CDC7: variants seen among roughly 807,000 people sequenced by gnomAD.
CDC7 encodes the protein cell division cycle 7-related protein kinase.
In CDC7, 34 loss-of-function variants were observed where a neutral mutation model predicts 53.5. That is an observed-to-expected ratio of 0.64 (90% CI 0.48 to 0.85). The LOEUF (loss-of-function observed/expected upper bound fraction) is 0.85, where lower values mean the gene tolerates loss of function less well. Among genes scored for constraint, CDC7 ranks in the 40% least tolerant of loss-of-function variants. The probability of loss-of-function intolerance (pLI) is 0.00; values close to 1 mark genes in which losing one functional copy is unlikely to be tolerated. For synonymous variants in CDC7, 211 were observed against 222.8 expected (o/e 0.95, Z 0.47); for missense variants, 594 against 679.7 (o/e 0.87, Z 1.40).
chr1:91,505,139 G>C (rs1666915594), intron 2 of CDC7, among the ~76,000 whole-genome samples: 1 of 152,070 alleles, frequency 6.6e-6, no homozygotes, highest in Admixed American at 6.5e-5. Context: ...CAGATATTTG[G>C]GGAAGAGCAT....
chr1:91,524,314 G>A lies in CDC7; in HGVS notation c.1604G>A (p.Trp535Ter). 4 of 1,613,964 alleles carry A rather than the reference G, an allele frequency of 2.5e-6. No homozygotes were observed. Among genetic ancestry groups the A allele is most frequent in the Non-Finnish European group, 3.4e-6 (4 of 1,179,926 alleles). The part of the protein sequence containing the change: ...FDEYNTNLEG[W>*]NEVPDEAYDL... Reference sequence around the variant, plus strand: ...GAGTATAATACCAATTTAGAAGGCTGGAATGAGGTACCTGATGAAGCTTAT... The same window carrying A: ...GAGTATAATACCAATTTAGAAGGCTAGAATGAGGTACCTGATGAAGCTTAT... Residue 535 changes from tryptophan to a stop codon, truncating the protein, a stop_gained, in exon 12 of 12, where the codon TGG becomes TAG. Transcript: ENST00000234626. LOFTEE classifies it high-confidence loss of function.
chr1:91,501,165 AGC>A (rs1325764998), intron 1 of CDC7: 5 of 152,148 alleles, frequency 3.3e-5, no homozygotes, highest in African/African-American at 1.2e-4. Context: ...GCTCGCGGCC[AGC>A]GCTGGCCGGC....
At chr1:91,516,136 C>T (rs967824995) in intron 10 of CDC7, among the ~76,000 whole-genome samples, 1 of 151,324 alleles carries the variant, frequency 6.6e-6, no homozygotes, top group African/African-American at 2.4e-5. Context: ...ACAAGATGAT[C>T]TTACCATCTT....
At chr1:91,513,345 T>G (rs1453403943) in intron 7 of CDC7, 38 bp downstream of exon 7, 2 of 1,575,398 alleles carry the variant, frequency 1.3e-6, no homozygotes, top group South Asian at 2.2e-5. Flanking sequence ...CGACACTGTT[T>G]TAGAAATATA....
chr1:91,501,476 C>T (rs1666672641), intron 1 of CDC7, 178 bp from the exon 2 acceptor site: 1 of 412,174 alleles, frequency 2.4e-6, no homozygotes, highest in Non-Finnish European at 4.3e-6. Context: ...GCCGGTGTTT[C>T]TGATAGGTGA....
chr1:91,513,862 A>G, intron 7 of CDC7, 86 bp from the exon 8 acceptor site: 1 of 937,040 alleles, frequency 1.1e-6, no homozygotes, highest in Non-Finnish European at 1.7e-6. Flanking sequence ...ATCTCACTTA[A>G]CTCTTTCAAA....
At chr1:91,513,925 C>T in intron 7 of CDC7, 23 bp from the exon 8 acceptor site, 1 of 1,521,994 alleles carries the variant, frequency 6.6e-7, no homozygotes. Context: ...TCCTTATTTT[C>T]CTTGTTTTTG....
chr1:91,509,178 T>C (rs1169984357), intron 4 of CDC7, among the ~76,000 whole-genome samples: 1 of 152,162 alleles, frequency 6.6e-6, no homozygotes, highest in Non-Finnish European at 1.5e-5. Flanking sequence ...GTGCTTGCTC[T>C]TAGGTTTCTC....
Position 91,520,164 on chromosome 1 carries a change from T to C in CDC7, c.1215T>C (p.Leu405=). The C allele has an allele frequency of 6.2e-7, 1 of 1,606,594 alleles. No homozygotes were observed. Among genetic ancestry groups the C allele is most frequent in the African/African-American group, 1.3e-5 (1 of 74,770 alleles). ...TGTGGTCTGCAGGTGTCATATTTCT[T>C]TCTTTGCTTAGTGGACGATATCCAT... ...IDMWSAGVIF[L]SLLSGRYPFY... Residue 405 remains leucine (L), a synonymous_variant, in exon 11 of 12, where the codon CTT becomes CTC. Transcript: ENST00000234626.
At chr1:91,513,333 A>G in intron 7 of CDC7, 26 bp downstream of exon 7, 2 of 1,595,100 alleles carry the variant, frequency 1.3e-6, no homozygotes, top group Non-Finnish European at 1.7e-6. Context: ...TTTCTTAAGT[A>G]CCGACACTGT....
At chr1:91,508,188 CAATCTATCTTA>C in intron 3 of CDC7, 63 bp from the exon 4 acceptor site, 1 of 1,222,596 alleles carries the variant, frequency 8.2e-7, no homozygotes, top group Non-Finnish European at 1.1e-6. Flanking sequence ...ACAGTTTTTA[CAATCTATCTTA>C]GAATTGTTTC....
At chr1:91,508,609 G>A (rs1183976377) in intron 4 of CDC7, among the ~76,000 whole-genome samples, 1 of 152,104 alleles carries the variant, frequency 6.6e-6, no homozygotes, top group Non-Finnish European at 1.5e-5. Context: ...GGCTCGACCT[G>A]ATTTCCTGTC....
rs551960820 is a variant in CDC7, at chr1:91,524,723, A to G, written c.*288A>G. On this transcript the variant is annotated 3_prime_UTR_variant, in exon 12 of 12. Coordinates refer to ENST00000234626, the MANE Select transcript of CDC7 (RefSeq NM_003503.4). ...TTCCCTAATTACCTTTCACTGACAT[A>G]TACAGAAAAAGGAGCAGTTTTAGTT... The G allele has an allele frequency of 3.3e-5, 9 of 276,722 alleles. No homozygotes were observed. The East Asian group carries it at 4.5e-4, about 14-fold the overall frequency. 17.1% of individuals were successfully genotyped at this position (276,722 alleles called of 1,614,324 possible).
intron 2 of CDC7, among the ~76,000 whole-genome samples, chr1:91,505,604 T>C (rs934081078): frequency 1.3e-5 from 2 of 152,226 alleles, no homozygotes; most frequent in Non-Finnish European, 2.9e-5. Flanking sequence ...TAGCATATTA[T>C]AGATTTTCGG....
rs1454220043 is a variant in CDC7, at chr1:91,525,270, A to AT, written c.*841dup. 6.6e-6 allele frequency: 1 copy of AT among 152,166 alleles called. No individual in the cohort carries two copies. The highest frequency in any genetic ancestry group is 1.9e-4 in the East Asian group (1 of 5,190). The allele number at this position is 152,166 out of a possible 1,614,324, so 9.4% of individuals were successfully genotyped here. ...AATGCTTTTCTTTTTTGAGTTGTAT[A>AT]TTTTTTCACACCATCTTAGATATAA... On this transcript the variant is annotated 3_prime_UTR_variant, in exon 12 of 12. Transcript: ENST00000234626.
At position 91,524,572 on chromosome 1, in the gene CDC7, C is replaced by A; in HGVS notation, c.*137C>A. ...ACATTTTAGTGTTTGGTGGCACATTCTAAAATATAGATTAAGAATACTTAA... is the reference window on the plus strand; with the variant it reads ...ACATTTTAGTGTTTGGTGGCACATTATAAAATATAGATTAAGAATACTTAA... On this transcript the variant is annotated 3_prime_UTR_variant, in exon 12 of 12. Transcript: ENST00000234626. 1.5e-6 allele frequency: 1 copy of A among 659,934 alleles called. No individual in the cohort carries two copies. Among genetic ancestry groups the A allele is most frequent in the Non-Finnish European group, 2.5e-6 (1 of 397,152 alleles). The allele number at this position is 659,934 out of a possible 1,614,324, so 40.9% of individuals were successfully genotyped here.
In CDC7 at chr1:91,511,684, GT is replaced by G; in HGVS notation, c.428del (p.Leu143TrpfsTer4). The G allele has an allele frequency of 6.2e-7, 1 of 1,607,072 alleles. No homozygotes were observed. Among genetic ancestry groups the G allele is most frequent in the Non-Finnish European group, 8.5e-7 (1 of 1,174,962 alleles). ...CTATGCCATATCTGGAGCATGAGTC[GT>G]TTTTGGTAGGTTTTAATATTTCTTG... ...IAMPYLEHESFLDILNSLSFQ... is the reference protein window; with the variant it reads ...IAMPYLEHESXLDILNSLSFQ... On this transcript the variant is annotated frameshift_variant, in exon 5 of 12. Transcript: ENST00000234626. LOFTEE classifies it high-confidence loss of function.
At chr1:91,508,237 A>G in intron 3 of CDC7, 25 bp from the exon 4 acceptor site, 1 of 1,558,030 alleles carries the variant, frequency 6.4e-7, no homozygotes, top group Non-Finnish European at 8.7e-7. Flanking sequence ...CCAGATATTG[A>G]AAAATTTAAT....
intron 6 of CDC7, 43 bp downstream of exon 6, chr1:91,511,966 T>C: frequency 7.1e-7 from 1 of 1,409,142 alleles, no homozygotes; most frequent in Non-Finnish European, 9.8e-7. Flanking sequence ...CCTATTTCTT[T>C]TAAAAAACAA....
Sources: allele counts gnomAD v4.1 joint callset (sites outside exome capture counted in the v4.1 genomes callset), GRCh38; gene constraint gnomAD v4.1.1; transcripts MANE v1.5; gene names NCBI Gene and HGNC (gene_info 2026-07-23, HGNC 2026-07-21).